ADAMTS9: variants seen among roughly 807,000 people sequenced by gnomAD.
ADAMTS9 encodes ADAM metallopeptidase with thrombospondin type 1 motif 9.
A neutral mutation model predicts 257.1 loss-of-function variants in ADAMTS9; 107 were observed. The ratio of observed to expected loss-of-function variants is 0.42; its 90% CI spans 0.36 to 0.49. ADAMTS9 has a LOEUF of 0.49. Ranked by LOEUF, ADAMTS9 falls within the 20% of genes least tolerant of loss-of-function variation. The pLI, the probability that ADAMTS9 is intolerant of heterozygous loss-of-function variation, is 0.03. For synonymous variants in ADAMTS9, 982 were observed against 880.9 expected (o/e 1.11, Z -2.03); for missense variants, 2,353 against 2,469.1 (o/e 0.95, Z 1.00).
chr3:64,665,592 G>A (rs1170613161), intron 3 of ADAMTS9, among the ~76,000 whole-genome samples: 1 of 152,206 alleles, frequency 6.6e-6, no homozygotes, highest in African/African-American at 2.4e-5. Context: ...AACCATTTAA[G>A]GTAGAGTGAC....
intron 28 of ADAMTS9, among the ~76,000 whole-genome samples, chr3:64,579,826 C>A (rs989465678): frequency 8.5e-5 from 13 of 152,160 alleles, no homozygotes; most frequent in African/African-American, 3.1e-4. Context: ...CAGTCCAAAA[C>A]TAGCCACATA....
At chr3:64,526,064 T>C (rs1239469370) in intron 38 of ADAMTS9, among the ~76,000 whole-genome samples, 2 of 144,936 alleles carry the variant, frequency 1.4e-5, no homozygotes, top group Non-Finnish European at 3.0e-5. Context: ...TGATATGCTA[T>C]ACTATATATT....
At position 64,687,397 on chromosome 3, in the gene ADAMTS9, C is replaced by A; in HGVS notation, c.115+146G>T. On this transcript the variant is annotated intron_variant, in intron 1 of 39. Coordinates refer to ENST00000498707, the MANE Select transcript of ADAMTS9 (RefSeq NM_182920.2). The surrounding 1 kb of genome is among the most constrained non-coding windows in gnomAD (Gnocchi z 4.4). ...TCCCTAGCAATTGGTTGGGGATGAC[C>A]CAAAGAAGGGAGAGGCTGCAAAGCG... 1 of 732,562 alleles carries A rather than the reference C, an allele frequency of 1.4e-6. No individual in the cohort carries two copies. Among genetic ancestry groups the A allele is most frequent in the East Asian group, 3.0e-5 (1 of 33,006 alleles). The allele number at this position is 732,562 out of a possible 1,614,324, so 45.4% of individuals were successfully genotyped here. A position where few individuals can be genotyped will look rare whatever the true frequency, so the allele number is the denominator to read the frequency against.
At chr3:64,571,017 T>A (rs1266480649) in intron 28 of ADAMTS9, among the ~76,000 whole-genome samples, 1 of 152,152 alleles carries the variant, frequency 6.6e-6, no homozygotes, top group Non-Finnish European at 1.5e-5. Context: ...TTAACACAAG[T>A]CTATATGTAG....
At chr3:64,647,571 C>T (rs1051522063) in intron 11 of ADAMTS9, among the ~76,000 whole-genome samples, 1 of 152,196 alleles carries the variant, frequency 6.6e-6, no homozygotes, top group Non-Finnish European at 1.5e-5. Context: ...ACTGTTCCAT[C>T]AACTTACCAA....
chr3:64,659,101 A>G (rs143317399), intron 3 of ADAMTS9, among the ~76,000 whole-genome samples: 1,801 of 152,322 alleles, frequency 0.012, 22 homozygotes, highest in Middle Eastern at 0.041. Context: ...GGATTGATTC[A>G]AGGAATCTCA....
chr3:64,555,693 A>G (rs2083324493), intron 30 of ADAMTS9, among the ~76,000 whole-genome samples: 2 of 152,304 alleles, frequency 1.3e-5, no homozygotes, highest in Non-Finnish European at 2.9e-5. Flanking sequence ...AGGTGGGCCC[A>G]GGTAGCAGCA....
chr3:64,555,627 G>C (rs2083323605), intron 30 of ADAMTS9, among the ~76,000 whole-genome samples: 1 of 152,180 alleles, frequency 6.6e-6, no homozygotes, highest in East Asian at 1.9e-4. Flanking sequence ...AATTGAGTAA[G>C]AAGCCACCAG....
intron 16 of ADAMTS9, among the ~76,000 whole-genome samples, chr3:64,626,756 A>G (rs1700231938): frequency 6.6e-6 from 1 of 152,238 alleles, no homozygotes; most frequent in African/African-American, 2.4e-5. Flanking sequence ...TAGGTGCTCA[A>G]TCGATGATGC....
Position 64,596,965 on chromosome 3 carries a change from G to T in ADAMTS9, c.4044C>A (p.Ser1348=). Residue 1348 remains serine, a synonymous_variant, in exon 27 of 40, where the codon TCC becomes TCA. Transcript: ENST00000498707. ...CCTGACATACAACAACACGCCGCTGGGATCCGCCAGCACAGGTACTGGAAC... is the reference window on the plus strand; with the variant it reads ...CCTGACATACAACAACACGCCGCTGTGATCCGCCAGCACAGGTACTGGAAC... ...GACSSTCAGG[S]QRRVVVCQDE... is the part of the protein sequence containing the mutation. 6.2e-7 allele frequency: 1 copy of T among 1,613,866 alleles called. No homozygotes were observed. The highest frequency in any genetic ancestry group is 1.1e-5 in the South Asian group (1 of 91,074).
intron 25 of ADAMTS9, 50 bp downstream of exon 25, chr3:64,603,872 C>A (rs978197971): frequency 6.2e-7 from 1 of 1,601,678 alleles, no homozygotes. Flanking sequence ...TCCTCATAGC[C>A]CTCAATGTTT....
intron 3 of ADAMTS9, among the ~76,000 whole-genome samples, chr3:64,668,394 T>C (rs1576178749): frequency 1.3e-5 from 2 of 152,058 alleles, no homozygotes; most frequent in Admixed American, 1.3e-4. Context: ...AGGCAGGAAG[T>C]GTTTGCAGAG....
Position 64,525,797 on chromosome 3 carries a change from G to C in ADAMTS9, c.5719-3537C>G, listed in dbSNP as rs373597602. Among the ~76,000 whole-genome samples, 48 of 151,674 alleles carry C rather than the reference G, an allele frequency of 3.2e-4. No homozygotes were observed. The East Asian group carries it at 8.9e-3, about 28-fold the overall frequency. On this transcript the variant is annotated intron_variant, in intron 38 of 39. Transcript: ENST00000498707. ...GGCTAATTTTTGTATTTTTAGTAGAGACAGGGTTTCACTATGTTGGCCAGA... is the reference window on the plus strand; with the variant it reads ...GGCTAATTTTTGTATTTTTAGTAGACACAGGGTTTCACTATGTTGGCCAGA...
At chr3:64,558,096 G>A (rs2083364734) in intron 30 of ADAMTS9, among the ~76,000 whole-genome samples, 1 of 152,114 alleles carries the variant, frequency 6.6e-6, no homozygotes, top group South Asian at 2.1e-4. Flanking sequence ...CCCAGTAAAG[G>A]GAATACACTT....
At chr3:64,659,251 T>C (rs560504645) in intron 3 of ADAMTS9, among the ~76,000 whole-genome samples, 2 of 152,140 alleles carry the variant, frequency 1.3e-5, no homozygotes, top group Non-Finnish European at 2.9e-5. Context: ...GTGAATTTCA[T>C]GAGGCCAGGA....
At chr3:64,520,265 T>C (rs1244159465) in intron 39 of ADAMTS9, among the ~76,000 whole-genome samples, 1 of 152,088 alleles carries the variant, frequency 6.6e-6, no homozygotes, top group African/African-American at 2.4e-5. Flanking sequence ...ACAAGGAGAA[T>C]TATAAACATT....
intron 3 of ADAMTS9, among the ~76,000 whole-genome samples, chr3:64,675,213 T>A (rs1277398296): frequency 6.6e-6 from 1 of 152,258 alleles, no homozygotes; most frequent in East Asian, 1.9e-4. Flanking sequence ...AGTTTTCCAA[T>A]CTGCAAAATG....
intron 27 of ADAMTS9, 106 bp downstream of exon 27, chr3:64,596,724 G>T: frequency 7.3e-7 from 1 of 1,371,778 alleles, no homozygotes; most frequent in Non-Finnish European, 1.0e-6. Context: ...CACCCCAGAA[G>T]CTTCTACTAG....
intron 28 of ADAMTS9, among the ~76,000 whole-genome samples, chr3:64,578,101 G>A (rs925017307): frequency 6.6e-6 from 1 of 152,146 alleles, no homozygotes; most frequent in Non-Finnish European, 1.5e-5. Flanking sequence ...ACGTGTCTGA[G>A]CCTGTATCCA....
Sources: allele counts gnomAD v4.1 joint callset (sites outside exome capture counted in the v4.1 genomes callset), GRCh38; gene constraint gnomAD v4.1.1; non-coding constraint Gnocchi (gnomAD v3.1); transcripts MANE v1.5; gene names NCBI Gene and HGNC (gene_info 2026-07-23, HGNC 2026-07-21).